The following NEK5 variants were observed in gnomAD, a reference collection of about 807,000 sequenced individuals.
NEK5 encodes serine/threonine-protein kinase Nek5.
NEK5 carries 88 observed loss-of-function variants against 109.2 expected under a neutral mutation model. The observed-to-expected ratio is 0.81, with a 90% CI of 0.68 to 0.96. The LOEUF (loss-of-function observed/expected upper bound fraction) is 0.96. Ranked by LOEUF, NEK5 falls within the 40% of genes least tolerant of loss-of-function variation. The probability of loss-of-function intolerance (pLI) is 0.00; values close to 1 mark genes in which losing one functional copy is unlikely to be tolerated. For missense variants in NEK5, 834 were observed against 920.7 expected, an observed-to-expected ratio of 0.91 and a Z score of 1.22; for synonymous variants, 283 against 299.9, an observed-to-expected ratio of 0.94 and a Z score of 0.58.
chr13:52,091,577 TTG>T (rs1289248441), intron 13 of NEK5, among the ~76,000 whole-genome samples: 5 of 152,204 alleles, frequency 3.3e-5, no homozygotes, highest in African/African-American at 1.2e-4. Flanking sequence ...CCATAGTATC[TTG>T]TGTTTTTCAT....
chr13:52,047,389 T>C (rs988499210), intron 23 of NEK5, among the ~76,000 whole-genome samples: 10 of 152,322 alleles, frequency 6.6e-5, no homozygotes, highest in African/African-American at 2.2e-4. Context: ...TATATTTGTA[T>C]GGAATTCCTC....
chr13:52,111,719 A>G (rs1343736834), intron 5 of NEK5, among the ~76,000 whole-genome samples: 1 of 152,178 alleles, frequency 6.6e-6, no homozygotes, highest in Non-Finnish European at 1.5e-5. Context: ...CTCCCAAGAG[A>G]GTTCCAGGGA....
At chr13:52,075,634 G>T in intron 19 of NEK5, 124 bp downstream of exon 19, 1 of 663,344 alleles carries the variant, frequency 1.5e-6, no homozygotes, top group Non-Finnish European at 2.6e-6. Flanking sequence ...TGTACCACCT[G>T]AATCTAAAAT....
intron 23 of NEK5, among the ~76,000 whole-genome samples, chr13:52,044,963 G>A (rs994787924): frequency 3.3e-5 from 5 of 151,812 alleles, no homozygotes; most frequent in Non-Finnish European, 5.9e-5. Flanking sequence ...AAACAAGCCT[G>A]AAAACTCTAA....
chr13:52,072,522 T>C (rs1392211527), intron 19 of NEK5, among the ~76,000 whole-genome samples: 2 of 152,164 alleles, frequency 1.3e-5, no homozygotes, highest in Non-Finnish European at 2.9e-5. Context: ...CAGTTAAAAC[T>C]TTTTGGACTC....
intron 19 of NEK5, among the ~76,000 whole-genome samples, chr13:52,075,316 T>C (rs1954847848): frequency 6.6e-6 from 1 of 152,182 alleles, no homozygotes; most frequent in Non-Finnish European, 1.5e-5. Context: ...ATCATGTCCA[T>C]GCAACATGGA....
At chr13:52,086,457 T>C in intron 15 of NEK5, 94 bp from the exon 16 acceptor site, 1 of 813,836 alleles carries the variant, frequency 1.2e-6, no homozygotes, top group South Asian at 1.5e-5. Context: ...AAGTGTGTAA[T>C]ATAAAATAAG....
intron 14 of NEK5, among the ~76,000 whole-genome samples, chr13:52,087,916 A>C (rs563566354): frequency 4.4e-4 from 59 of 134,620 alleles, no homozygotes; most frequent in Non-Finnish European, 8.2e-4. Context: ...TGAGCCATCA[A>C]GCCCAGCCTT....
chr13:52,128,554 A>G (rs1376111579), intron 1 of NEK5, among the ~76,000 whole-genome samples: 1 of 152,094 alleles, frequency 6.6e-6, no homozygotes, highest in Non-Finnish European at 1.5e-5. Context: ...TTGTTTTCGA[A>G]TAATTTTACG....
intron 20 of NEK5, among the ~76,000 whole-genome samples, chr13:52,065,898 CT>C (rs1457754672): frequency 6.6e-6 from 1 of 152,154 alleles, no homozygotes; most frequent in Non-Finnish European, 1.5e-5. Flanking sequence ...TCAATCTAGT[CT>C]TTTTCCACAG....
chr13:52,064,077 C>G (rs1468028597), intron 21 of NEK5, among the ~76,000 whole-genome samples: 1 of 140,552 alleles, frequency 7.1e-6, no homozygotes, highest in Non-Finnish European at 1.5e-5. Flanking sequence ...GCCCGGCCAG[C>G]CACCCCATCC....
At chr13:52,103,297 G>C (rs1955580059) in intron 9 of NEK5, among the ~76,000 whole-genome samples, 1 of 152,320 alleles carries the variant, frequency 6.6e-6, no homozygotes, top group Non-Finnish European at 1.5e-5. Flanking sequence ...CGGGTGTGGT[G>C]GTGGGTGCCT....
In NEK5 at chr13:52,077,052, C is replaced by G. The variant is rs151202807; in HGVS notation, c.1573-909G>C. ...TGAGAGTAATACAGGCAAAGCTTAT[C>G]TGGCAATCAATTTAAGCCCTGGAAT... On this transcript the variant is annotated intron_variant, in intron 17 of 23. Transcript: ENST00000684899. 3.2e-3 allele frequency among the ~76,000 whole-genome samples: 493 copies of G among 152,322 alleles called. 3 individuals carry two copies. The highest frequency in any genetic ancestry group is 0.011 in the African/African-American group (444 of 41,574).
chr13:52,115,126 C>T (rs1044031498), intron 4 of NEK5, among the ~76,000 whole-genome samples: 6 of 151,752 alleles, frequency 4.0e-5, no homozygotes, highest in Non-Finnish European at 2.9e-5. Flanking sequence ...CATTCTCCTG[C>T]CTCAGCCTCT....
At chr13:52,037,708 G>A (rs1003392851) in intron 23 of NEK5, among the ~76,000 whole-genome samples, 3 of 152,162 alleles carry the variant, frequency 2.0e-5, no homozygotes, top group Admixed American at 2.0e-4. Flanking sequence ...CGGATCACGA[G>A]GTCAGGAGAT....
chr13:52,094,373 T>C (rs542206601), intron 12 of NEK5, among the ~76,000 whole-genome samples: 1 of 152,242 alleles, frequency 6.6e-6, no homozygotes, highest in Non-Finnish European at 1.5e-5. Context: ...GTTGGGAATA[T>C]GAATAACAAG....
rs1180505160 is a variant in NEK5, at chr13:52,035,814, G to A, written c.*1134C>T. ...GTGCATAATTAACACACCATGCCTT[G>A]TTGTTCTTGCTCAATTGCCTTATTC... On this transcript the variant is annotated 3_prime_UTR_variant, in exon 24 of 24. Coordinates refer to ENST00000684899, the MANE Select transcript of NEK5 (RefSeq NM_001365552.1). 1.3e-5 allele frequency: 2 copies of A among 152,060 alleles called. No individual in the cohort carries two copies. The highest frequency in any genetic ancestry group is 4.8e-5 in the African/African-American group (2 of 41,400). The allele number at this position is 152,060 out of a possible 1,614,324, so 9.4% of individuals were successfully genotyped here.
chr13:52,089,100 A>AACAACAACAACC, intron 14 of NEK5, 147 bp downstream of exon 14: 1 of 600,884 alleles, frequency 1.7e-6, no homozygotes, highest in Non-Finnish European at 3.0e-6. Flanking sequence ...AGAAAACAAC[A>AACAACAACAACC]ACAACAAAAA....
chr13:52,102,591 G>T (rs1955563414), intron 9 of NEK5, among the ~76,000 whole-genome samples: 1 of 152,176 alleles, frequency 6.6e-6, no homozygotes, highest in Admixed American at 6.5e-5. Flanking sequence ...TACTTGGGAG[G>T]CTGAGGCAAG....
Sources: gnomAD v4.1 joint callset for allele counts (sites outside exome capture counted in the v4.1 genomes callset) on GRCh38, gnomAD v4.1.1 for gene constraint, MANE v1.5 for transcripts, NCBI Gene and HGNC (gene_info 2026-07-23, HGNC 2026-07-21) for gene names.